The following AKT3 variants were observed in gnomAD, a reference collection of about 807,000 sequenced individuals.
The protein encoded by AKT3 is RAC-gamma serine/threonine-protein kinase.
In AKT3, 15 loss-of-function variants were observed where a neutral mutation model predicts 65.3. The ratio of observed to expected loss-of-function variants is 0.23; its 90% CI spans 0.15 to 0.35. The LOEUF is 0.35. Among genes scored for constraint, AKT3 ranks in the 10% least tolerant of loss-of-function variants. AKT3 has a pLI of 1.00. For missense variants in AKT3, 243 were observed against 576.5 expected, an observed-to-expected ratio of 0.42 and a Z score of 5.92; for synonymous variants, 206 against 183.8, an observed-to-expected ratio of 1.12 and a Z score of -0.98.
chr1:243,494,722 A>G (rs1667383653), intron 13 of AKT3, among the ~76,000 whole-genome samples: 1 of 152,246 alleles, frequency 6.6e-6, no homozygotes, highest in Non-Finnish European at 1.5e-5. Flanking sequence ...TCCTTCAGAT[A>G]CATTCACTCT....
At chr1:243,545,949 G>C (rs1672640236) in intron 11 of AKT3, among the ~76,000 whole-genome samples, 1 of 152,122 alleles carries the variant, frequency 6.6e-6, no homozygotes. Flanking sequence ...GTCACTGCAA[G>C]GGTTAGAAAC....
intron 12 of AKT3, among the ~76,000 whole-genome samples, chr1:243,514,501 T>C (rs2994332): frequency 0.074 from 11,214 of 152,226 alleles, 1,373 homozygotes; most frequent in African/African-American, 0.25. Flanking sequence ...TTCAAGACTT[T>C]GCGACATCTG....
At position 243,695,686 on chromosome 1, in the gene AKT3, T is replaced by A. The variant is rs1261943456; in HGVS notation, c.77A>T (p.Tyr26Phe). 6.2e-7 allele frequency: 1 copy of A among 1,603,912 alleles called. No homozygotes were observed. Among genetic ancestry groups the A allele is most frequent in the South Asian group, 1.1e-5 (1 of 89,080 alleles). ...TGAGCCATCTGTCTTCAAAAGGAAG[T>A]ATCTTGGCCTCCAGTTTTTTATATA... The part of the protein sequence containing the change: ...GEYIKNWRPR[Y>F]FLLKTDGSFI... The change falls in exon 3 of 14, where the codon TAC becomes TTC. Residue 26 changes from tyrosine to phenylalanine, a missense_variant. By Grantham distance (22) the Tyr-to-Phe change is conservative. This residue lies in a region of AKT3 where 29 missense variants were observed against 91.3 expected (regional missense o/e 0.32). Coordinates refer to ENST00000673466, the MANE Select transcript of AKT3 (RefSeq NM_005465.7).
intron 6 of AKT3, among the ~76,000 whole-genome samples, chr1:243,622,992 T>C (rs571736060): frequency 6.6e-6 from 1 of 152,168 alleles, no homozygotes; most frequent in Non-Finnish European, 1.5e-5. Flanking sequence ...TTGCCCAAAC[T>C]CTACACATTC....
chr1:243,755,280 G>A (rs1370589770), intron 2 of AKT3, among the ~76,000 whole-genome samples: 1 of 146,982 alleles, frequency 6.8e-6, no homozygotes, highest in African/African-American at 2.5e-5. Context: ...TAGCCATGTT[G>A]CCCAGGGTGG....
intron 2 of AKT3, among the ~76,000 whole-genome samples, chr1:243,823,635 C>G (rs1255897236): frequency 6.6e-6 from 1 of 152,066 alleles, no homozygotes; most frequent in Non-Finnish European, 1.5e-5. Flanking sequence ...AACAGACAAG[C>G]AGAGAGCCAA....
chr1:243,571,115 G>A (rs1674528041), intron 9 of AKT3, among the ~76,000 whole-genome samples: 1 of 151,974 alleles, frequency 6.6e-6, no homozygotes, highest in African/African-American at 2.4e-5. Flanking sequence ...TCAGGAGATC[G>A]AGACTATCCT....
intron 12 of AKT3, among the ~76,000 whole-genome samples, chr1:243,515,940 G>A (rs889848041): frequency 1.3e-5 from 2 of 150,726 alleles, no homozygotes; most frequent in African/African-American, 2.5e-5. Context: ...TCGCGTCACT[G>A]CACTCCAGCC....
chr1:243,600,966 G>A (rs1268034325), intron 8 of AKT3, among the ~76,000 whole-genome samples: 1 of 152,048 alleles, frequency 6.6e-6, no homozygotes, highest in Non-Finnish European at 1.5e-5. Flanking sequence ...AGACATGCGA[G>A]GCTCTGTTGT....
chr1:243,602,133 C>T (rs547704288), intron 8 of AKT3, among the ~76,000 whole-genome samples: 9 of 152,312 alleles, frequency 5.9e-5, no homozygotes, highest in Admixed American at 5.9e-4. Context: ...GTAATAACAT[C>T]TCCTAATAAC....
At chr1:243,648,550 TTCTG>T (rs1455408097) in intron 4 of AKT3, among the ~76,000 whole-genome samples, 2 of 152,174 alleles carry the variant, frequency 1.3e-5, no homozygotes, top group African/African-American at 2.4e-5. Flanking sequence ...CTTAAAATAG[TTCTG>T]TCTGATTTCT....
chr1:243,695,758 A>G, intron 2 of AKT3, 42 bp from the exon 3 acceptor site: 1 of 1,532,126 alleles, frequency 6.5e-7, no homozygotes, highest in Non-Finnish European at 8.7e-7. Flanking sequence ...AAAAAAATGA[A>G]CAGCAGCTTT....
rs150831382 is a variant in AKT3 at position 243,810,410 on chromosome 1, A to C, written c.46+32715T>G. On this transcript the variant is annotated intron_variant, in intron 2 of 13. Transcript: ENST00000673466. ...ATACTATAAACACCTCTATGCAAAT[A>C]AACTAGAAAATCTAGAAGAAACGGA... Among the ~76,000 whole-genome samples the C allele has an allele frequency of 5.1e-3, 780 of 152,350 alleles. 9 individuals carry two copies. Among genetic ancestry groups the C allele is most frequent in the African/African-American group, 0.018 (740 of 41,596 alleles).
chr1:243,769,134 G>A (rs973607599), intron 2 of AKT3, among the ~76,000 whole-genome samples: 4 of 151,908 alleles, frequency 2.6e-5, no homozygotes, highest in African/African-American at 2.4e-5. Context: ...TCACTTAGCC[G>A]AGCTTTTCAA....
intron 12 of AKT3, among the ~76,000 whole-genome samples, chr1:243,519,269 T>C (rs1237856099): frequency 6.6e-6 from 1 of 152,180 alleles, no homozygotes; most frequent in Non-Finnish European, 1.5e-5. Flanking sequence ...AACTTTCCAC[T>C]TGATGGGTGC....
At chr1:243,832,653 C>T (rs762400163) in intron 2 of AKT3, among the ~76,000 whole-genome samples, 3 of 152,154 alleles carry the variant, frequency 2.0e-5, no homozygotes, top group Non-Finnish European at 2.9e-5. Flanking sequence ...TTACTCAAGG[C>T]GCTCTCCCAT....
At chr1:243,549,562 G>A (rs1168305333) in intron 11 of AKT3, among the ~76,000 whole-genome samples, 1 of 152,058 alleles carries the variant, frequency 6.6e-6, no homozygotes, top group Non-Finnish European at 1.5e-5. Context: ...CCAAGTAGCT[G>A]GGACTACAGC....
chr1:243,671,420 G>A (rs940401152), intron 3 of AKT3, among the ~76,000 whole-genome samples: 2 of 152,102 alleles, frequency 1.3e-5, no homozygotes, highest in African/African-American at 4.8e-5. Flanking sequence ...AAATAATGCT[G>A]GCTGTGAGTT....
In AKT3 at chr1:243,563,571, T is replaced by A. The variant is rs962766434; in HGVS notation, c.948+149A>T. On this transcript the variant is annotated intron_variant, in intron 10 of 13. Transcript: ENST00000673466. ...TATTCTTGATCCTACAATACCCCAT[T>A]ATAACAAATTAAGAGCCAAAAAATT... 3.6e-6 allele frequency: 3 copies of A among 826,526 alleles called. No homozygotes were observed. The Admixed American group carries it at 9.7e-5, about 27-fold the overall frequency. 51.2% of individuals were successfully genotyped at this position (826,526 alleles called of 1,614,324 possible).
Sources: allele counts gnomAD v4.1 joint callset (sites outside exome capture counted in the v4.1 genomes callset), GRCh38; gene constraint gnomAD v4.1.1; regional missense constraint gnomAD v4.1.1; transcripts MANE v1.5; gene names NCBI Gene and HGNC (gene_info 2026-07-23, HGNC 2026-07-21).